The following GMEB1 variants were observed in gnomAD, a reference collection of about 807,000 sequenced individuals.
GMEB1 encodes glucocorticoid modulatory element-binding protein 1.
GMEB1 carries 6 observed loss-of-function variants against 52.4 expected under a neutral mutation model. That is an observed-to-expected ratio of 0.11 (90% CI 0.06 to 0.23). GMEB1 has a LOEUF of 0.23. Ranked by LOEUF, GMEB1 falls within the 10% of genes least tolerant of loss-of-function variation. The pLI, the probability that GMEB1 is intolerant of heterozygous loss-of-function variation, is 1.00. For synonymous variants in GMEB1, 255 were observed against 244.9 expected, an observed-to-expected ratio of 1.04 and a Z score of -0.38; for missense variants, 486 against 685.6, an observed-to-expected ratio of 0.71 and a Z score of 3.25.
At position 28,687,125 on chromosome 1, in the gene GMEB1, CAGGAGT is replaced by C. The variant is rs779478224; in HGVS notation, c.129-2978_129-2973del. Among the ~76,000 whole-genome samples the C allele has an allele frequency of 7.6e-4, 115 of 151,616 alleles. No homozygotes were observed. The East Asian group carries it at 0.011, about 14-fold the overall frequency. ...CAGAGGCAGGAGGATCACTTGAGTC[CAGGAGT>C]TCAAGGCCAGCCTGAGCCACATAGG... On this transcript the variant is annotated intron_variant, in intron 2 of 9. Transcript: ENST00000373816.
At chr1:28,689,953 T>C in intron 2 of GMEB1, 151 bp from the exon 3 acceptor site, 1 of 544,242 alleles carries the variant, frequency 1.8e-6, no homozygotes, top group Non-Finnish European at 3.2e-6. Flanking sequence ...GTTTGGAGTT[T>C]AAATACAATG....
At chr1:28,695,597 A>T (rs544167453) in intron 5 of GMEB1, among the ~76,000 whole-genome samples, 58 of 151,950 alleles carry the variant, frequency 3.8e-4, no homozygotes, top group East Asian at 1.2e-3. Flanking sequence ...TATTTAAAAA[A>T]TTTTTAAATT....
At chr1:28,683,311 C>T (rs1669481843) in intron 1 of GMEB1, among the ~76,000 whole-genome samples, 1 of 152,044 alleles carries the variant, frequency 6.6e-6, no homozygotes, top group African/African-American at 2.4e-5. Flanking sequence ...CCGCAACCTC[C>T]ACCTCCTGGC....
chr1:28,710,779 A>AT (rs980704998), intron 9 of GMEB1, 137 bp downstream of exon 9: 7 of 501,654 alleles, frequency 1.4e-5, no homozygotes, highest in African/African-American at 2.0e-5. Flanking sequence ...TAAAAAAAAA[A>AT]GCCGCAGATG....
chr1:28,692,392 C>T (rs1196156617), intron 4 of GMEB1, among the ~76,000 whole-genome samples: 1 of 151,802 alleles, frequency 6.6e-6, no homozygotes, highest in Non-Finnish European at 1.5e-5. Context: ...ATTAGCTGGA[C>T]GTGGTATTGG....
At chr1:28,674,708 C>CTT (rs34267851) in intron 1 of GMEB1, among the ~76,000 whole-genome samples, 1,193 of 49,158 alleles carry the variant, frequency 0.024, 236 homozygotes, top group African/African-American at 0.083. Flanking sequence ...ATAGTTAATT[C>CTT]TTTTTTTTTT....
intron 9 of GMEB1, 115 bp downstream of exon 9, chr1:28,710,757 T>A (rs1671020600): frequency 6.1e-6 from 4 of 656,584 alleles, no homozygotes; most frequent in Non-Finnish European, 9.0e-6. Flanking sequence ...TATCAGATTT[T>A]GCTTTTAAAA....
intron 7 of GMEB1, among the ~76,000 whole-genome samples, chr1:28,703,761 CT>C (rs1297423652): frequency 6.6e-6 from 1 of 152,068 alleles, no homozygotes; most frequent in African/African-American, 2.4e-5. Flanking sequence ...GTTTTGTTTT[CT>C]TAAGTATAGG....
intron 2 of GMEB1, 67 bp from the exon 3 acceptor site, chr1:28,690,037 C>A: frequency 2.0e-6 from 2 of 991,476 alleles, no homozygotes; most frequent in Non-Finnish European, 3.1e-6. Flanking sequence ...TTCTTAACCC[C>A]ATGCTGTGAA....
intron 2 of GMEB1, among the ~76,000 whole-genome samples, chr1:28,685,378 T>A (rs1353277975): frequency 6.6e-6 from 1 of 151,876 alleles, no homozygotes; most frequent in Non-Finnish European, 1.5e-5. Flanking sequence ...CCTGGCCAAT[T>A]TTTGTATTTT....
rs1040709089 is a variant in GMEB1, at chr1:28,687,699, G to C, written c.129-2405G>C. 5.3e-5 allele frequency among the ~76,000 whole-genome samples: 8 copies of C among 152,256 alleles called. No individual in the cohort carries two copies. The East Asian group carries it at 7.7e-4, about 15-fold the overall frequency. On this transcript the variant is annotated intron_variant, in intron 2 of 9. Transcript: ENST00000373816. Reference sequence around the variant, plus strand: ...GATGCAAGGATACTAGTCTAGAGATGATGAGGCCTGAATTAAGGCAGTAGC... The same window carrying C: ...GATGCAAGGATACTAGTCTAGAGATCATGAGGCCTGAATTAAGGCAGTAGC...
At chr1:28,710,826 A>G (rs1346109646) in intron 9 of GMEB1, among the ~76,000 whole-genome samples, 184 bp downstream of exon 9, 5 of 151,646 alleles carry the variant, frequency 3.3e-5, no homozygotes, top group African/African-American at 1.2e-4. Context: ...GCACAAAGGA[A>G]AAAAAAAGGA....
At position 28,687,377 on chromosome 1, in the gene GMEB1, C is replaced by CAAAAAAAAAAAAAAA. The variant is rs1260455703; in HGVS notation, c.129-2726_129-2725insAAAAAAAAAAAAAAA. On this transcript the variant is annotated intron_variant, in intron 2 of 9. Coordinates refer to ENST00000373816, the MANE Select transcript of GMEB1 (RefSeq NM_001319674.2). ...ACACACACACACACACACACACACA[C>CAAAAAAAAAAAAAAA]ACACACACACAAAAAAAGACAGTGG... Among the ~76,000 whole-genome samples the CAAAAAAAAAAAAAAA allele has an allele frequency of 2.4e-3, 35 of 14,778 alleles. 7 individuals carry two copies. Among genetic ancestry groups the CAAAAAAAAAAAAAAA allele is most frequent in the African/African-American group, 4.9e-3 (25 of 5,144 alleles). 9.7% of individuals were successfully genotyped at this position (14,778 alleles called of 152,430 possible).
chr1:28,696,516 T>C (rs778382278), intron 5 of GMEB1, among the ~76,000 whole-genome samples: 14 of 152,170 alleles, frequency 9.2e-5, no homozygotes, highest in Non-Finnish European at 1.8e-4. Flanking sequence ...ACATAGAATT[T>C]ACTATAATTA....
intron 5 of GMEB1, among the ~76,000 whole-genome samples, chr1:28,696,486 GA>G (rs1287608742): frequency 6.6e-6 from 1 of 152,222 alleles, no homozygotes; most frequent in Non-Finnish European, 1.5e-5. Flanking sequence ...AATCTTTAGT[GA>G]AAGCCAAATG....
intron 5 of GMEB1, among the ~76,000 whole-genome samples, 167 bp downstream of exon 5, chr1:28,693,212 G>A (rs4654365): frequency 0.39 from 58,757 of 151,288 alleles, 12,757 homozygotes; most frequent in East Asian, 0.76. Context: ...CCTGGGAGAC[G>A]AGATTGATTT....
Position 28,704,349 on chromosome 1 carries a change from C to T in GMEB1, c.868+20C>T, listed in dbSNP as rs1367513721. 6.2e-7 allele frequency: 1 copy of T among 1,601,384 alleles called. No individual in the cohort carries two copies. The highest frequency in any genetic ancestry group is 8.5e-7 in the Non-Finnish European group (1 of 1,174,024). On this transcript the variant is annotated intron_variant, in intron 8 of 9. Transcript: ENST00000373816. ...TCACAGGTAAGTGCACTAATCCTAA[C>T]AGTAGCAGTGATTTATTGAATACTC...
At chr1:28,688,568 C>T (rs894045105) in intron 2 of GMEB1, among the ~76,000 whole-genome samples, 2 of 152,160 alleles carry the variant, frequency 1.3e-5, no homozygotes, top group African/African-American at 4.8e-5. Context: ...ATATAACCTT[C>T]TCTAAGTGGT....
At position 28,683,603 on chromosome 1, in the gene GMEB1, C is replaced by T. The variant is rs986465158; in HGVS notation, c.-10C>T. 6.3e-7 allele frequency: 1 copy of T among 1,593,886 alleles called. No homozygotes were observed. The highest frequency in any genetic ancestry group is 1.4e-5 in the African/African-American group (1 of 73,742). The stretch of plus-strand genomic sequence containing the variant: ...GACAGCAGTCCCAGCTATCTGACTT[C>T]ATGTGAAAGATGGCTAATGCAGAAG... On this transcript the variant is annotated 5_prime_UTR_variant, in exon 2 of 10. Coordinates refer to ENST00000373816, the MANE Select transcript of GMEB1 (RefSeq NM_001319674.2).
Sources: allele counts gnomAD v4.1 joint callset (sites outside exome capture counted in the v4.1 genomes callset), GRCh38; gene constraint gnomAD v4.1.1; transcripts MANE v1.5; gene names NCBI Gene and HGNC (gene_info 2026-07-23, HGNC 2026-07-21).